FHIT: variants seen among roughly 807,000 people sequenced by gnomAD.
FHIT encodes bis(5'-adenosyl)-triphosphatase.
In FHIT, 19 loss-of-function variants were observed where a neutral mutation model predicts 17.9. The ratio of observed to expected loss-of-function variants is 1.06; its 90% CI spans 0.74 to 1.56. FHIT has a LOEUF of 1.56. Ranked by LOEUF, FHIT falls within the 40% of genes most tolerant of loss-of-function variation. FHIT has a pLI of 0.00. For missense variants in FHIT, 248 were observed against 189.2 expected (o/e 1.31, Z -1.82); for synonymous variants, 81 against 69.7 (o/e 1.16, Z -0.81).
chr3:60,076,399 A>T (rs1405461674), intron 5 of FHIT, among the ~76,000 whole-genome samples: 1 of 152,106 alleles, frequency 6.6e-6, no homozygotes, highest in African/African-American at 2.4e-5. Flanking sequence ...TAGCCAACTT[A>T]TAAAATTATT....
chr3:60,641,637 C>T (rs2039727302), intron 4 of FHIT, among the ~76,000 whole-genome samples: 1 of 152,018 alleles, frequency 6.6e-6, no homozygotes, highest in Non-Finnish European at 1.5e-5. Context: ...TACTTTGGGC[C>T]CAAAGAGAGG....
At chr3:60,131,483 C>G (rs1699594481) in intron 5 of FHIT, among the ~76,000 whole-genome samples, 1 of 152,044 alleles carries the variant, frequency 6.6e-6, no homozygotes, top group African/African-American at 2.4e-5. Context: ...GTAACGTAAG[C>G]ACTATATGAT....
At chr3:60,808,790 C>G (rs1362104221) in intron 4 of FHIT, among the ~76,000 whole-genome samples, 5 of 152,128 alleles carry the variant, frequency 3.3e-5, no homozygotes, top group African/African-American at 1.2e-4. Context: ...TAGTTCTCCC[C>G]CCTGATTTCT....
At chr3:60,199,507 T>C (rs1702800594) in intron 5 of FHIT, among the ~76,000 whole-genome samples, 1 of 152,042 alleles carries the variant, frequency 6.6e-6, no homozygotes, top group African/African-American at 2.4e-5. Context: ...AAGGGGAATG[T>C]TCCAAATGTC....
intron 5 of FHIT, among the ~76,000 whole-genome samples, chr3:60,403,094 T>C (rs1701724863): frequency 6.6e-6 from 1 of 152,188 alleles, no homozygotes; most frequent in Admixed American, 6.5e-5. Flanking sequence ...TGGAAGCCAA[T>C]AGTCCAAGCG....
intron 3 of FHIT, among the ~76,000 whole-genome samples, chr3:60,842,647 T>TATATATATATA (rs1406123749): frequency 3.1e-3 from 289 of 92,352 alleles, no homozygotes; most frequent in African/African-American, 0.012. Context: ...ATATATATAT[T>TATATATATATA]TTTTTTTTTT....
intron 3 of FHIT, among the ~76,000 whole-genome samples, chr3:60,869,595 C>T (rs532269850): frequency 1.3e-5 from 2 of 152,228 alleles, no homozygotes; most frequent in South Asian, 2.1e-4. Context: ...CGCTTGGATT[C>T]GGTGTCTAAC....
intron 5 of FHIT, among the ~76,000 whole-genome samples, chr3:60,409,443 C>G (rs17063011): frequency 0.049 from 7,399 of 152,280 alleles, 614 homozygotes; most frequent in African/African-American, 0.17. Context: ...TGGCAATGAT[C>G]TATCGCACAA....
chr3:61,126,138 G>A (rs2036598865), intron 2 of FHIT, among the ~76,000 whole-genome samples: 1 of 152,022 alleles, frequency 6.6e-6, no homozygotes, highest in Non-Finnish European at 1.5e-5. Context: ...GCATCTATGA[G>A]TCTGACAGCT....
chr3:60,831,672 A>C (rs1296957529), intron 3 of FHIT, among the ~76,000 whole-genome samples: 1 of 151,524 alleles, frequency 6.6e-6, no homozygotes, highest in Non-Finnish European at 1.5e-5. Context: ...AACTTTTCAT[A>C]TATTATCTAA....
intron 3 of FHIT, among the ~76,000 whole-genome samples, chr3:61,017,320 AG>A (rs2032170180): frequency 6.6e-6 from 1 of 152,164 alleles, no homozygotes; most frequent in Non-Finnish European, 1.5e-5. Context: ...ATAAAATAGA[AG>A]ATAATGACTG....
At chr3:60,121,881 A>G (rs1442163713) in intron 5 of FHIT, among the ~76,000 whole-genome samples, 2 of 152,134 alleles carry the variant, frequency 1.3e-5, no homozygotes, top group East Asian at 3.9e-4. Context: ...CTCTAATTCT[A>G]TGAGACATTT....
chr3:60,820,953 T>C (rs1701904793), intron 4 of FHIT, among the ~76,000 whole-genome samples: 1 of 129,306 alleles, frequency 7.7e-6, no homozygotes, highest in East Asian at 2.4e-4. Context: ...AGTGCATTGC[T>C]CCTACTTTCT....
At chr3:60,397,646 C>T (rs543246423) in intron 5 of FHIT, among the ~76,000 whole-genome samples, 13 of 152,166 alleles carry the variant, frequency 8.5e-5, no homozygotes, top group East Asian at 3.9e-4. Context: ...CTACTGATAG[C>T]GACAGGAGGC....
At chr3:61,054,932 C>A (rs1280266492) in intron 2 of FHIT, among the ~76,000 whole-genome samples, 2 of 152,202 alleles carry the variant, frequency 1.3e-5, no homozygotes, top group African/African-American at 4.8e-5. Context: ...CTCTGCTGCT[C>A]TCCCTGGTTA....
At chr3:60,610,609 A>G (rs2038755582) in intron 4 of FHIT, among the ~76,000 whole-genome samples, 2 of 152,170 alleles carry the variant, frequency 1.3e-5, no homozygotes, top group East Asian at 3.9e-4. Flanking sequence ...CAGTCACAGA[A>G]TCAACATGAA....
chr3:60,217,925 T>G (rs913513282), intron 5 of FHIT, among the ~76,000 whole-genome samples: 1 of 152,198 alleles, frequency 6.6e-6, no homozygotes, highest in Non-Finnish European at 1.5e-5. Context: ...TTTTAACAAC[T>G]GTATTTAATT....
intron 4 of FHIT, among the ~76,000 whole-genome samples, chr3:60,593,698 T>G (rs1206212699): frequency 1.3e-5 from 2 of 152,094 alleles, no homozygotes; most frequent in Admixed American, 6.5e-5. Flanking sequence ...TATTGATCTC[T>G]CCTATGAACA....
chr3:60,744,194 G>C (rs1314699872), intron 4 of FHIT, among the ~76,000 whole-genome samples: 1 of 133,354 alleles, frequency 7.5e-6, no homozygotes, highest in African/African-American at 2.9e-5. Flanking sequence ...CGAAAAACGC[G>C]TTTTCCCTAT....
Sources: gnomAD v4.1 joint callset for allele counts (sites outside exome capture counted in the v4.1 genomes callset) on GRCh38, gnomAD v4.1.1 for gene constraint, MANE v1.5 for transcripts, NCBI Gene and HGNC (gene_info 2026-07-23, HGNC 2026-07-21) for gene names.